Variants in PCDHGB2 observed in about 807,000 individuals in gnomAD.
PCDHGB2 encodes the protein protocadherin gamma-B2.
Under a neutral mutation model 59.3 loss-of-function variants are expected in PCDHGB2, and 55 were observed. That is an observed-to-expected ratio of 0.93 (90% CI 0.75 to 1.16). The LOEUF (loss-of-function observed/expected upper bound fraction) is 1.16. PCDHGB2 is among the 50% of genes most tolerant of loss of function. The pLI is 0.00. For synonymous variants in PCDHGB2, 516 were observed against 512.0 expected, an observed-to-expected ratio of 1.01 and a Z score of -0.11; for missense variants, 1,228 against 1,198.5, an observed-to-expected ratio of 1.02 and a Z score of -0.36.
chr5:141,413,337 G>A, intron 1 of PCDHGB2: 1 of 1,613,978 alleles, frequency 6.2e-7, no homozygotes, highest in Non-Finnish European at 8.5e-7. Flanking sequence ...ACATCTCCAA[G>A]GACTTGGGTC....
chr5:141,466,344 T>G (rs1036472951), intron 1 of PCDHGB2, among the ~76,000 whole-genome samples: 5 of 152,106 alleles, frequency 3.3e-5, no homozygotes, highest in African/African-American at 4.8e-5. Flanking sequence ...ATAATTTTTT[T>G]GCAGCTAATC....
At chr5:141,475,491 C>T (rs1321482409) in intron 1 of PCDHGB2, among the ~76,000 whole-genome samples, 2 of 152,202 alleles carry the variant, frequency 1.3e-5, no homozygotes, top group African/African-American at 4.8e-5. Flanking sequence ...AGAGATAAAA[C>T]TGAAATTATT....
intron 1 of PCDHGB2, among the ~76,000 whole-genome samples, chr5:141,381,748 T>C (rs1252356879): frequency 6.6e-6 from 1 of 152,130 alleles, no homozygotes; most frequent in Non-Finnish European, 1.5e-5. Context: ...GATTCCGACA[T>C]TGTTCTACTA....
rs377389968 is a variant in PCDHGB2, at chr5:141,404,840, C to T, written c.2421+42284C>T. On this transcript the variant is annotated intron_variant, in intron 1 of 3. Coordinates refer to ENST00000522605, the MANE Select transcript of PCDHGB2 (RefSeq NM_018923.3). Reference sequence around the variant, plus strand: ...GCACACAGGTGAAGTGCGCACAGCTCGGGCCCTGCTAGATAGAGATGCGCT... The same window carrying T: ...GCACACAGGTGAAGTGCGCACAGCTTGGGCCCTGCTAGATAGAGATGCGCT... 3.5e-5 allele frequency: 57 copies of T among 1,613,700 alleles called. No individual in the cohort carries two copies. The African/African-American group carries it at 6.3e-4, about 18-fold the overall frequency.
intron 1 of PCDHGB2, chr5:141,405,160 C>T (rs2094616263): frequency 6.2e-7 from 1 of 1,614,028 alleles, no homozygotes; most frequent in Non-Finnish European, 8.5e-7. Flanking sequence ...CTGGTGTGCC[C>T]ACCTCACACT....
At chr5:141,461,663 G>C (rs1230719552) in intron 1 of PCDHGB2, among the ~76,000 whole-genome samples, 1 of 151,984 alleles carries the variant, frequency 6.6e-6, no homozygotes, top group Admixed American at 6.6e-5. Flanking sequence ...TTATTTTAAA[G>C]TTTGTTATTT....
rs1248946415 is a variant in PCDHGB2 at position 141,361,231 on chromosome 5, A to G, written c.1096A>G (p.Ile366Val). 3 of 1,614,014 alleles carry G rather than the reference A, an allele frequency of 1.9e-6. No individual in the cohort carries two copies. Among genetic ancestry groups the G allele is most frequent in the Non-Finnish European group, 2.5e-6 (3 of 1,179,886 alleles). Reference protein sequence around the residue: ...LPEDSPPGTVIALIKTRDRDS... With the variant: ...LPEDSPPGTVVALIKTRDRDS... ...GGAGGATTCGCCACCAGGAACAGTG[A>G]TCGCCTTGATAAAAACGAGAGACAG... Residue 366 changes from isoleucine to valine, a missense_variant, in exon 1 of 4, where the codon ATC (isoleucine) becomes GTC (valine). Coordinates refer to ENST00000522605, the MANE Select transcript of PCDHGB2 (RefSeq NM_018923.3).
intron 1 of PCDHGB2, among the ~76,000 whole-genome samples, chr5:141,464,913 A>T (rs1035542028): frequency 1.3e-4 from 19 of 151,426 alleles, no homozygotes; most frequent in Admixed American, 1.2e-3. Context: ...TAATTTTTTT[A>T]TTTTTTTGTA....
intron 1 of PCDHGB2, chr5:141,398,967 C>T: frequency 6.2e-7 from 1 of 1,613,942 alleles, no homozygotes; most frequent in Non-Finnish European, 8.5e-7. Flanking sequence ...TTACTTATTC[C>T]TTCTACAGAA....
Position 141,362,418 on chromosome 5 carries a change from C to T in PCDHGB2, c.2283C>T (p.Ala761=), listed in dbSNP as rs187134440. 4 of 1,614,026 alleles carry T rather than the reference C, an allele frequency of 2.5e-6. No homozygotes were observed. The highest frequency in any genetic ancestry group is 2.7e-5 in the African/African-American group (2 of 75,056). ...ACCTGTGTGTTGCCTCACAATCAGC[C>T]AAGACAGAGTTCAATTTTCTGAACA... ...SYNLCVASQS[A]KTEFNFLNIT... is the part of the protein sequence containing the mutation. The change falls in exon 1 of 4, where the codon GCC becomes GCT. Residue 761 remains alanine, a synonymous_variant. Coordinates refer to ENST00000522605, the MANE Select transcript of PCDHGB2 (RefSeq NM_018923.3).
At chr5:141,443,392 T>A (rs151260637) in intron 1 of PCDHGB2, among the ~76,000 whole-genome samples, 1 of 151,662 alleles carries the variant, frequency 6.6e-6, no homozygotes, top group Non-Finnish European at 1.5e-5. Context: ...GGCTGAGGTG[T>A]GAGGATCACC....
intron 1 of PCDHGB2, chr5:141,413,424 G>T: frequency 6.2e-7 from 1 of 1,614,086 alleles, no homozygotes; most frequent in Non-Finnish European, 8.5e-7. Flanking sequence ...CTCTGAACCC[G>T]CGCAGCGGCA....
chr5:141,490,062 C>A lies in PCDHGB2; in HGVS notation c.2422-4745C>A, dbSNP rs758715682. 6.2e-7 allele frequency: 1 copy of A among 1,614,218 alleles called. No homozygotes were observed. The highest frequency in any genetic ancestry group is 1.1e-5 in the South Asian group (1 of 91,082). ...CCACTGATCCAGACGAGGGCACCAA[C>A]GGCCAACTAGACTATTCTTTTGGAG... On this transcript the variant is annotated intron_variant, in intron 1 of 3. Coordinates refer to ENST00000522605, the MANE Select transcript of PCDHGB2 (RefSeq NM_018923.3). The surrounding 1 kb of genome is among the most constrained non-coding windows in gnomAD (Gnocchi z 5.4).
intron 1 of PCDHGB2, chr5:141,405,646 T>G: frequency 1.9e-6 from 1 of 526,208 alleles, no homozygotes; most frequent in East Asian, 3.2e-5. Flanking sequence ...GGCTAATTTT[T>G]TGTGTGTTTT....
At chr5:141,403,986 C>T in intron 1 of PCDHGB2, 1 of 1,613,704 alleles carries the variant, frequency 6.2e-7, no homozygotes, top group Non-Finnish European at 8.5e-7. Context: ...GACAATAGAC[C>T]TGAAGTGACC....
chr5:141,369,377 GT>G (rs1049592188), intron 1 of PCDHGB2, among the ~76,000 whole-genome samples: 53 of 152,270 alleles, frequency 3.5e-4, no homozygotes, highest in African/African-American at 1.3e-3. Flanking sequence ...CTTTGTAAAA[GT>G]TTTTCATTTG....
At chr5:141,499,835 C>T (rs931946377) in intron 2 of PCDHGB2, among the ~76,000 whole-genome samples, 2 of 151,916 alleles carry the variant, frequency 1.3e-5, no homozygotes, top group Admixed American at 6.6e-5. Flanking sequence ...TACAGGTGTG[C>T]ACCACCACAC....
Position 141,360,626 on chromosome 5 carries a change from C to G in PCDHGB2, c.491C>G (p.Pro164Arg). The G allele has an allele frequency of 6.2e-7, 1 of 1,614,010 alleles. No individual in the cohort carries two copies. Among genetic ancestry groups the G allele is most frequent in the Non-Finnish European group, 8.5e-7 (1 of 1,179,890 alleles). Residue 164 changes from proline to arginine, a missense_variant, in exon 1 of 4, where the codon CCT becomes CGT. Pro to Arg is a moderately radical substitution (Grantham distance 103). Transcript: ENST00000522605. The stretch of plus-strand genomic sequence containing the variant: ...CCAGCCCTGGATTCAGATGTTGGTC[C>G]TAACTCACTACAAAGATACCACCTT... ...LDPALDSDVG[P>R]NSLQRYHLND...
intron 1 of PCDHGB2, among the ~76,000 whole-genome samples, chr5:141,457,477 C>A (rs964080100): frequency 2.0e-5 from 3 of 152,134 alleles, no homozygotes; most frequent in African/African-American, 7.2e-5. Context: ...TAAGCAGGGC[C>A]AGGGTTAGTC....
Sources: allele counts gnomAD v4.1 joint callset (sites outside exome capture counted in the v4.1 genomes callset), GRCh38; gene constraint gnomAD v4.1.1; non-coding constraint Gnocchi (gnomAD v3.1); transcripts MANE v1.5; gene names NCBI Gene and HGNC (gene_info 2026-07-23, HGNC 2026-07-21).